The following CELF5 variants were observed in gnomAD, a reference collection of about 807,000 sequenced individuals.
CELF5 encodes CUGBP Elav-like family member 5.
In CELF5, 6 loss-of-function variants were observed where a neutral mutation model predicts 54.9. The observed-to-expected ratio is 0.11, with a 90% confidence interval of 0.06 to 0.22. The LOEUF (loss-of-function observed/expected upper bound fraction) is 0.22, where lower values mean the gene tolerates loss of function less well. CELF5 is among the 10% of genes least tolerant of loss of function. CELF5 has a pLI of 1.00. For missense variants in CELF5, 401 were observed against 678.6 expected, an observed-to-expected ratio of 0.59 and a Z score of 4.54; for synonymous variants, 271 against 290.9, an observed-to-expected ratio of 0.93 and a Z score of 0.70.
chr19:3,235,518 ATGG>A (rs1917506639), intron 1 of CELF5, among the ~76,000 whole-genome samples: 8 of 9,130 alleles, frequency 8.8e-4, no homozygotes, highest in Non-Finnish European at 1.1e-3. Context: ...GGATGGATGG[ATGG>A]ATGAATAGGT....
rs912547111 is a variant in CELF5, at chr19:3,290,710, C to T, written c.1330+336C>T. On this transcript the variant is annotated intron_variant, in intron 11 of 12. Coordinates refer to ENST00000292672, the MANE Select transcript of CELF5 (RefSeq NM_021938.4). Reference sequence around the variant, plus strand: ...TCCTAAGTAGCTGGGACTACAGGCGCCCGCCACCACACCCAGCTAATTTTT... The same window carrying T: ...TCCTAAGTAGCTGGGACTACAGGCGTCCGCCACCACACCCAGCTAATTTTT... 2.7e-5 allele frequency among the ~76,000 whole-genome samples: 4 copies of T among 149,134 alleles called. No homozygotes were observed. In the Admixed American group the frequency reaches 2.7e-4, roughly 10 times the overall value.
intron 2 of CELF5, among the ~76,000 whole-genome samples, chr19:3,253,634 G>A (rs567040330): frequency 3.7e-4 from 56 of 152,296 alleles, no homozygotes; most frequent in Admixed American, 6.5e-4. Context: ...GAGCAGGGGG[G>A]GCAAAGGTGG....
At chr19:3,273,795 C>A in intron 2 of CELF5, 77 bp from the exon 3 acceptor site, 1 of 1,071,794 alleles carries the variant, frequency 9.3e-7, no homozygotes, top group Non-Finnish European at 1.4e-6. Flanking sequence ...GGCTGGCCTG[C>A]AGAGCTCAGG....
chr19:3,230,161 G>C (rs1917188745), intron 1 of CELF5, among the ~76,000 whole-genome samples: 1 of 152,146 alleles, frequency 6.6e-6, no homozygotes, highest in South Asian at 2.1e-4. Flanking sequence ...CTCGTACTGA[G>C]CAAGAGGGGT....
intron 2 of CELF5, among the ~76,000 whole-genome samples, chr19:3,252,465 A>T (rs2079664503): frequency 6.6e-6 from 1 of 152,160 alleles, no homozygotes; most frequent in African/African-American, 2.4e-5. Flanking sequence ...TGGAGACTGA[A>T]GGAACCACAG....
chr19:3,249,319 C>A (rs2079615253), intron 1 of CELF5, among the ~76,000 whole-genome samples: 1 of 152,184 alleles, frequency 6.6e-6, no homozygotes, highest in South Asian at 2.1e-4. Flanking sequence ...ATCCCTACCC[C>A]ACCTTGGGGA....
chr19:3,227,289 C>T (rs1156757875), intron 1 of CELF5, among the ~76,000 whole-genome samples: 1 of 152,188 alleles, frequency 6.6e-6, no homozygotes, highest in Non-Finnish European at 1.5e-5. Context: ...GTGACTGCCC[C>T]TCTCTGGGCC....
At chr19:3,247,760 T>TA (rs796393102) in intron 1 of CELF5, among the ~76,000 whole-genome samples, 2 of 152,056 alleles carry the variant, frequency 1.3e-5, no homozygotes, top group Non-Finnish European at 2.9e-5. Flanking sequence ...AATGTACCGT[T>TA]AAAAAATTTT....
At chr19:3,287,329 G>A (rs1454975650) in intron 10 of CELF5, among the ~76,000 whole-genome samples, 1 of 151,078 alleles carries the variant, frequency 6.6e-6, no homozygotes, top group South Asian at 2.1e-4. Context: ...GGAGGCTAAG[G>A]CAGGTGAATT....
Position 3,281,768 on chromosome 19 carries a change from C to A in CELF5, c.751-358C>A, listed in dbSNP as rs183181700. Among the ~76,000 whole-genome samples, 4 of 151,986 alleles carry A rather than the reference C, an allele frequency of 2.6e-5. No individual in the cohort carries two copies. Among genetic ancestry groups the A allele is most frequent in the Admixed American group, 2.6e-4 (4 of 15,236 alleles). On this transcript the variant is annotated intron_variant, in intron 6 of 12. Transcript: ENST00000292672. The surrounding 1 kb of genome is among the most constrained non-coding windows in gnomAD (Gnocchi z 6.5). ...AACTAAACCCTCATCCTAGATGGAG[C>A]CTTGATCTCAGTCTGAGCCTCACTT...
intron 1 of CELF5, among the ~76,000 whole-genome samples, chr19:3,249,925 C>A (rs1233740898): frequency 6.6e-6 from 1 of 152,144 alleles, no homozygotes; most frequent in African/African-American, 2.4e-5. Flanking sequence ...TCTGCCCACT[C>A]CCCTCACCCC....
At chr19:3,257,979 T>TC (rs1181040873) in intron 2 of CELF5, among the ~76,000 whole-genome samples, 4 of 151,206 alleles carry the variant, frequency 2.6e-5, no homozygotes, top group African/African-American at 9.7e-5. Context: ...TTTTTTTTTT[T>TC]GACAGAGTTT....
intron 1 of CELF5, among the ~76,000 whole-genome samples, chr19:3,248,853 T>C (rs56108327): frequency 0.046 from 5,466 of 118,408 alleles, 158 homozygotes; most frequent in African/African-American, 0.059. Flanking sequence ...TTTCTTTCTT[T>C]CTTCCTTCCT....
chr19:3,266,719 G>A lies in CELF5; in HGVS notation c.343-7153G>A, dbSNP rs186645391. 7.8e-4 allele frequency among the ~76,000 whole-genome samples: 119 copies of A among 152,318 alleles called. 1 individual carries two copies. Among genetic ancestry groups the A allele is most frequent in the Non-Finnish European group, 1.4e-3 (96 of 68,024 alleles). On this transcript the variant is annotated intron_variant, in intron 2 of 12. Transcript: ENST00000292672. ...GCTTGGCAAAGGTGAGACCTGTGGC[G>A]TGTGCCACCTTTTCCCAGGAATGCC...
intron 12 of CELF5, 150 bp downstream of exon 12, chr19:3,293,636 G>A (rs1046064273): frequency 1.5e-6 from 1 of 663,824 alleles, no homozygotes; most frequent in Non-Finnish European, 2.5e-6. Flanking sequence ...GGCGGGGACA[G>A]AGCTGGATGT....
Position 3,235,538 on chromosome 19 carries a change from G to GACAGA in CELF5, c.259+10540_259+10541insACAGA, listed in dbSNP as rs1568329843. ...GATGGATGGATGAATAGGTGGGTGG[G>GACAGA]TGGATGGGTGGATGAGTGGATGGGT... On this transcript the variant is annotated intron_variant, in intron 1 of 12. Coordinates refer to ENST00000292672, the MANE Select transcript of CELF5 (RefSeq NM_021938.4). Among the ~76,000 whole-genome samples, 11 of 5,714 alleles carry GACAGA rather than the reference G, an allele frequency of 1.9e-3. 1 individual carries two copies. The highest frequency in any genetic ancestry group is 4.4e-3 in the African/African-American group (6 of 1,354). 3.7% of individuals were successfully genotyped at this position (5,714 alleles called of 152,430 possible).
intron 1 of CELF5, among the ~76,000 whole-genome samples, chr19:3,243,304 G>A (rs1020870823): frequency 1.3e-5 from 2 of 151,576 alleles, no homozygotes; most frequent in African/African-American, 2.4e-5. Context: ...TTGCTATGTC[G>A]CAAAACCTTG....
At chr19:3,231,482 A>G (rs1304090566) in intron 1 of CELF5, among the ~76,000 whole-genome samples, 6 of 147,714 alleles carry the variant, frequency 4.1e-5, no homozygotes, top group African/African-American at 7.7e-5. Context: ...GGATGGATGG[A>G]TGGATGGATG....
intron 2 of CELF5, among the ~76,000 whole-genome samples, chr19:3,258,715 A>G (rs10412047): frequency 0.15 from 22,978 of 151,930 alleles, 1,893 homozygotes; most frequent in African/African-American, 0.23. Context: ...AGGCTGAAGC[A>G]ATCCTCCTGC....
Sources: gnomAD v4.1 joint callset for allele counts (sites outside exome capture counted in the v4.1 genomes callset) on GRCh38, gnomAD v4.1.1 for gene constraint, Gnocchi (gnomAD v3.1) non-coding constraint, MANE v1.5 for transcripts, NCBI Gene and HGNC (gene_info 2026-07-23, HGNC 2026-07-21) for gene names.